Variants in CARS2 observed in about 807,000 individuals in gnomAD.
CARS2 encodes the protein cysteinyl-tRNA synthetase 2, mitochondrial, also known as probable cysteine--tRNA ligase, mitochondrial.
Under a neutral mutation model 68.8 loss-of-function variants are expected in CARS2, and 52 were observed. The ratio of observed to expected loss-of-function variants is 0.76; its 90% confidence interval spans 0.61 to 0.95. The LOEUF is 0.95. Among genes scored for constraint, CARS2 ranks in the 40% least tolerant of loss-of-function variants. The pLI is 0.00. For synonymous variants in CARS2, 314 were observed against 303.6 expected (o/e 1.03, Z -0.36); for missense variants, 780 against 754.2 (o/e 1.03, Z -0.40).
chr13:110,661,534 C>T (rs1388193667), intron 9 of CARS2, among the ~76,000 whole-genome samples: 7 of 152,212 alleles, frequency 4.6e-5, no homozygotes, highest in Non-Finnish European at 8.8e-5. Flanking sequence ...GCTAATCATT[C>T]GTGTGTTCGC....
chr13:110,713,457 G>GCCCGCCGTCC, exon 1 of CARS2: 1 of 990,998 alleles, frequency 1.0e-6, no homozygotes, highest in Non-Finnish European at 1.2e-6. Flanking sequence ...TTTGCGCCTC[G>GCCCGCCGTCC]CCCGCCGTCC....
At chr13:110,679,599 G>GAA (rs1212774128) in intron 6 of CARS2, among the ~76,000 whole-genome samples, 1,073 of 40,042 alleles carry the variant, frequency 0.027, 16 homozygotes, top group African/African-American at 0.067. Flanking sequence ...AAGAAAGAAA[G>GAA]AGAGAGAGAG....
At chr13:110,703,468 G>A in intron 2 of CARS2, among the ~76,000 whole-genome samples, 1 of 152,170 alleles carries the variant, frequency 6.6e-6, no homozygotes, top group Admixed American at 6.5e-5. Flanking sequence ...GGCCCTGTGT[G>A]GACACAGCTT....
At chr13:110,695,685 G>T (rs968087515) in intron 3 of CARS2, among the ~76,000 whole-genome samples, 1 of 151,406 alleles carries the variant, frequency 6.6e-6, no homozygotes, top group Non-Finnish European at 1.5e-5. Flanking sequence ...GTTTAAAATC[G>T]TAAATTTTAT....
chr13:110,688,865 G>A, intron 3 of CARS2: 1 of 157,668 alleles, frequency 6.3e-6, no homozygotes, highest in South Asian at 1.6e-4. Context: ...AGCCAAGAAG[G>A]TGCCACTGCA....
At chr13:110,642,580 C>T (rs200021381) in intron 13 of CARS2, 59 bp from the exon 14 acceptor site, 6 of 1,365,366 alleles carry the variant, frequency 4.4e-6, no homozygotes, top group African/African-American at 1.4e-5. Context: ...GATGCCCCCT[C>T]CCCACCCCGT....
At position 110,667,523 on chromosome 13, in the gene CARS2, T is replaced by A. The variant is rs1175985641; in HGVS notation, c.786-50A>T. On this transcript the variant is annotated intron_variant, in intron 7 of 14. Transcript: ENST00000257347. ...GAATTCATTCAATCAAGCAACATAT[T>A]TTCTTCTAACCTCGTCTATTTATTC... 9 of 1,583,630 alleles carry A rather than the reference T, an allele frequency of 5.7e-6. No individual in the cohort carries two copies. The Admixed American group carries it at 8.8e-5, about 15-fold the overall frequency.
intron 3 of CARS2, among the ~76,000 whole-genome samples, chr13:110,693,855 C>T (rs1223230560): frequency 1.3e-5 from 2 of 152,092 alleles, no homozygotes; most frequent in Non-Finnish European, 2.9e-5. Context: ...TTTAAGTTAG[C>T]TATCTCTCCA....
At chr13:110,702,061 C>G (rs190735130) in intron 2 of CARS2, among the ~76,000 whole-genome samples, 160 of 152,328 alleles carry the variant, frequency 1.1e-3, no homozygotes, top group African/African-American at 3.8e-3. Context: ...ATATACTACA[C>G]TGGGGTAATT....
intron 9 of CARS2, among the ~76,000 whole-genome samples, chr13:110,658,509 C>T (rs424376): frequency 0.28 from 43,045 of 151,994 alleles, 6,793 homozygotes; most frequent in African/African-American, 0.39. Context: ...TTTTATGTTA[C>T]GTGGTTTTTT....
intron 10 of CARS2, chr13:110,650,540 A>G (rs1319573706): frequency 6.5e-6 from 1 of 153,724 alleles, no homozygotes; most frequent in Non-Finnish European, 1.4e-5. Context: ...AGTGCTAGAC[A>G]ACTCCTGGCC....
chr13:110,700,625 T>C lies in CARS2; in HGVS notation c.393+813A>G, dbSNP rs1003457791. Among the ~76,000 whole-genome samples, 24 of 152,366 alleles carry C rather than the reference T, an allele frequency of 1.6e-4. No individual in the cohort carries two copies. In the South Asian group the frequency reaches 1.7e-3, roughly 11 times the overall value. On this transcript the variant is annotated intron_variant, in intron 3 of 14. Coordinates refer to ENST00000257347, the MANE Select transcript of CARS2 (RefSeq NM_024537.4). ...TAATTTTTTAATATGGAATAAAATG[T>C]GTTAAAAAAAGCACAATAAGGTCTG...
In CARS2 at chr13:110,687,387, C is replaced by T. The variant is rs115225996; in HGVS notation, c.571+334G>A. ...ATGTTTTAGTTTTAAGAACATAAACCGGCTGGGCACAGTGGCTCACGCCTG... is the reference window on the plus strand; with the variant it reads ...ATGTTTTAGTTTTAAGAACATAAACTGGCTGGGCACAGTGGCTCACGCCTG... On this transcript the variant is annotated intron_variant, in intron 5 of 14. Coordinates refer to ENST00000257347, the MANE Select transcript of CARS2 (RefSeq NM_024537.4). 6.3e-3 allele frequency among the ~76,000 whole-genome samples: 947 copies of T among 151,222 alleles called. 8 individuals carry two copies. The highest frequency in any genetic ancestry group is 0.021 in the African/African-American group (875 of 41,238).
Position 110,657,298 on chromosome 13 carries a change from G to A in CARS2, c.987+6153C>T, listed in dbSNP as rs914666541. ...CCCTAGCTCTGACCCCTGAAAAAGC[G>A]TAGACGCAGTGTCACTCTGGTAGCA... On this transcript the variant is annotated intron_variant, in intron 9 of 14. Transcript: ENST00000257347. Among the ~76,000 whole-genome samples, 20 of 152,304 alleles carry A rather than the reference G, an allele frequency of 1.3e-4. No individual in the cohort carries two copies. The East Asian group carries it at 1.5e-3, about 12-fold the overall frequency.
rs1320137018 is a variant in CARS2 at position 110,713,126 on chromosome 13, G to C, written n.399+11C>G. On this transcript the variant is annotated intron_variant and non_coding_transcript_variant, in intron 1 of 2. Transcript: ENST00000485188. ...GTTTCTAGTAGTAAGAGTCCGGGGG[G>C]CATTACTCACGGTCTCCCCGCCTCC... 7 of 1,427,742 alleles carry C rather than the reference G, an allele frequency of 4.9e-6. 1 individual carries two copies. In the East Asian group the frequency reaches 1.5e-4, roughly 31 times the overall value. 88.4% of individuals were successfully genotyped at this position (1,427,742 alleles called of 1,614,324 possible).
chr13:110,693,247 T>G (rs957719506), intron 3 of CARS2, among the ~76,000 whole-genome samples: 3 of 151,922 alleles, frequency 2.0e-5, no homozygotes, highest in Admixed American at 6.6e-5. Context: ...TCTCTGCACG[T>G]GGCTGCACCA....
intron 6 of CARS2, among the ~76,000 whole-genome samples, chr13:110,679,793 A>G (rs1022100183): frequency 1.2e-4 from 19 of 152,126 alleles, no homozygotes; most frequent in African/African-American, 4.6e-4. Context: ...GACAGCCACA[A>G]AACTATTAAC....
intron 2 of CARS2, among the ~76,000 whole-genome samples, chr13:110,701,798 T>G (rs550107321): frequency 1.3e-5 from 2 of 152,352 alleles, no homozygotes; most frequent in East Asian, 3.9e-4. Flanking sequence ...ATTAGCATTT[T>G]TAATTTTGGA....
chr13:110,665,614 G>A lies in CARS2; in HGVS notation c.919+1726C>T. ...GCAGAAGGGCTCACAGCAGGTCATG[G>A]TTGTCAGTAACAAACCCTGACCTAC... is the stretch of plus-strand genomic sequence containing the variant. On this transcript the variant is annotated intron_variant, in intron 8 of 14. Transcript: ENST00000257347. This position sits in a 1 kb window ranked among gnomAD's most constrained non-coding sequence, Gnocchi z 4.3. 1.0e-6 allele frequency: 1 copy of A among 985,406 alleles called. No homozygotes were observed. Among genetic ancestry groups the A allele is most frequent in the Non-Finnish European group, 1.2e-6 (1 of 829,948 alleles). 61.0% of individuals were successfully genotyped at this position (985,406 alleles called of 1,614,324 possible).
Sources: allele counts gnomAD v4.1 joint callset (sites outside exome capture counted in the v4.1 genomes callset), GRCh38; gene constraint gnomAD v4.1.1; non-coding constraint Gnocchi (gnomAD v3.1); transcripts MANE v1.5; gene names NCBI Gene and HGNC (gene_info 2026-07-23, HGNC 2026-07-21).